The following KCNMA1 variants were observed in gnomAD, a reference collection of about 807,000 sequenced individuals.
KCNMA1 encodes Calcium-activated potassium channel subunit alpha-1.
Under a neutral mutation model 140.0 loss-of-function variants are expected in KCNMA1, and 29 were observed. That is an observed-to-expected ratio of 0.21 (90% CI 0.15 to 0.28). The LOEUF is 0.28. Ranked by LOEUF, KCNMA1 falls within the 10% of genes least tolerant of loss-of-function variation. The pLI, the probability that KCNMA1 is intolerant of heterozygous loss-of-function variation, is 1.00. For synonymous variants in KCNMA1, 612 were observed against 611.9 expected, an observed-to-expected ratio of 1.00 and a Z score of 0.00; for missense variants, 880 against 1,602.2, an observed-to-expected ratio of 0.55 and a Z score of 7.70.
At chr10:77,172,052 T>C (rs931613941) in intron 5 of KCNMA1, among the ~76,000 whole-genome samples, 1 of 152,226 alleles carries the variant, frequency 6.6e-6, no homozygotes, top group African/African-American at 2.4e-5. Flanking sequence ...AGCTGAATAA[T>C]GCAGTCGAAT....
At chr10:77,488,693 G>C (rs2098492539) in intron 1 of KCNMA1, among the ~76,000 whole-genome samples, 1 of 152,104 alleles carries the variant, frequency 6.6e-6, no homozygotes, top group Admixed American at 6.5e-5. Flanking sequence ...GGGGTGACGA[G>C]GAGACAGCAC....
At chr10:76,978,956 T>A (rs769692423) in intron 19 of KCNMA1, among the ~76,000 whole-genome samples, 33 of 152,230 alleles carry the variant, frequency 2.2e-4, no homozygotes, top group Non-Finnish European at 3.8e-4. Context: ...ATATTTTATT[T>A]TGATAGTTTG....
intron 4 of KCNMA1, among the ~76,000 whole-genome samples, chr10:77,183,756 G>A (rs1317799953): frequency 6.6e-6 from 1 of 152,040 alleles, no homozygotes; most frequent in African/African-American, 2.4e-5. Context: ...CAAAGTGCTG[G>A]GATTACAGGC....
intron 25 of KCNMA1, among the ~76,000 whole-genome samples, chr10:76,907,997 A>G (rs2048486873): frequency 6.9e-6 from 1 of 145,956 alleles, no homozygotes; most frequent in African/African-American, 2.8e-5. Context: ...TGGAATTTTA[A>G]AAATGTTATC....
chr10:77,122,650 A>G (rs989397066), intron 5 of KCNMA1, among the ~76,000 whole-genome samples: 1 of 152,208 alleles, frequency 6.6e-6, no homozygotes, highest in Non-Finnish European at 1.5e-5. Context: ...AGGGAAGTCA[A>G]AACATCACAT....
rs117864006 is a variant in KCNMA1 at position 77,579,523 on chromosome 10, G to A, written c.378+57742C>T. Among the ~76,000 whole-genome samples, 596 of 152,154 alleles carry A rather than the reference G, an allele frequency of 3.9e-3. 9 individuals carry two copies. The highest frequency in any genetic ancestry group is 0.035 in the South Asian group (167 of 4,814). ...GAATATCTTATCATGTTCATATGTC[G>A]AAAATATAATGTGTCTATTGTTTTT... is the stretch of plus-strand genomic sequence containing the variant. On this transcript the variant is annotated intron_variant, in intron 1 of 27. Transcript: ENST00000286628.
chr10:76,957,118 ACT>A (rs1470526383), intron 20 of KCNMA1, among the ~76,000 whole-genome samples: 1 of 110,932 alleles, frequency 9.0e-6, no homozygotes, highest in Non-Finnish European at 1.7e-5. Context: ...ACAGAGCGAG[ACT>A]CTGTCTCAAA....
At chr10:77,128,086 T>C (rs2097779797) in intron 5 of KCNMA1, among the ~76,000 whole-genome samples, 1 of 152,154 alleles carries the variant, frequency 6.6e-6, no homozygotes, top group Non-Finnish European at 1.5e-5. Flanking sequence ...AAGCTAATTA[T>C]TTTTTCATAT....
chr10:76,996,916 T>C (rs1291100464), intron 19 of KCNMA1, among the ~76,000 whole-genome samples: 1 of 152,214 alleles, frequency 6.6e-6, no homozygotes, highest in African/African-American at 2.4e-5. Flanking sequence ...TGTTGATTTT[T>C]AAATGTAGCT....
chr10:77,362,225 C>G (rs1014256780), intron 2 of KCNMA1, among the ~76,000 whole-genome samples: 1 of 152,164 alleles, frequency 6.6e-6, no homozygotes, highest in Non-Finnish European at 1.5e-5. Context: ...AGGCCAGAGG[C>G]AAACTGAGAC....
intron 2 of KCNMA1, among the ~76,000 whole-genome samples, chr10:77,363,085 T>C (rs1452297874): frequency 2.6e-5 from 4 of 151,550 alleles, no homozygotes; most frequent in Non-Finnish European, 4.4e-5. Flanking sequence ...ACTTACAATA[T>C]TGAGAGTAGT....
At chr10:77,410,036 T>C (rs2096583781) in intron 1 of KCNMA1, among the ~76,000 whole-genome samples, 2 of 152,192 alleles carry the variant, frequency 1.3e-5, no homozygotes, top group South Asian at 4.2e-4. Context: ...TGTCCTCTGG[T>C]TCTGGGCAGG....
intron 1 of KCNMA1, among the ~76,000 whole-genome samples, chr10:77,478,982 G>A (rs967394518): frequency 8.5e-5 from 13 of 152,058 alleles, no homozygotes; most frequent in African/African-American, 1.4e-4. Flanking sequence ...CTAGGATCTC[G>A]GCATTATAAA....
chr10:76,909,840 G>T, intron 25 of KCNMA1, 126 bp downstream of exon 25: 1 of 949,040 alleles, frequency 1.1e-6, no homozygotes, highest in Non-Finnish European at 1.6e-6. Context: ...CCCTTCTAAG[G>T]TGTGAGCTTC....
intron 1 of KCNMA1, among the ~76,000 whole-genome samples, chr10:77,616,323 G>A (rs1181276021): frequency 6.6e-6 from 1 of 152,190 alleles, no homozygotes; most frequent in African/African-American, 2.4e-5. Flanking sequence ...GGAGGTTATT[G>A]TCAATGCCCA....
chr10:77,466,674 G>A (rs945489813), intron 1 of KCNMA1, among the ~76,000 whole-genome samples: 2 of 152,212 alleles, frequency 1.3e-5, no homozygotes, highest in African/African-American at 2.4e-5. Context: ...GCAAGAGACA[G>A]GCTGAATGTA....
intron 1 of KCNMA1, among the ~76,000 whole-genome samples, chr10:77,609,362 C>T (rs770660028): frequency 2.6e-5 from 4 of 152,158 alleles, no homozygotes; most frequent in East Asian, 1.9e-4. Flanking sequence ...ACAAATACTA[C>T]GTGATCTAAT....
intron 2 of KCNMA1, among the ~76,000 whole-genome samples, chr10:77,256,413 G>A (rs1398781609): frequency 2.0e-5 from 3 of 152,206 alleles, no homozygotes; most frequent in Admixed American, 6.5e-5. Context: ...TGAGCTGGGG[G>A]AGGGGAAGTC....
At chr10:76,915,244 C>T (rs940608189) in intron 23 of KCNMA1, among the ~76,000 whole-genome samples, 195 bp from the exon 24 acceptor site, 3 of 152,178 alleles carry the variant, frequency 2.0e-5, no homozygotes, top group Admixed American at 6.5e-5. Flanking sequence ...TATAAATAAT[C>T]GTAACTCACT....
Sources: gnomAD v4.1 joint callset for allele counts (sites outside exome capture counted in the v4.1 genomes callset) on GRCh38, gnomAD v4.1.1 for gene constraint, MANE v1.5 for transcripts, NCBI Gene and HGNC (gene_info 2026-07-23, HGNC 2026-07-21) for gene names.